The following RPL32 variants were observed in gnomAD, a reference collection of about 807,000 sequenced individuals.
RPL32 encodes large ribosomal subunit protein eL32.
For synonymous variants in RPL32, 61 were observed against 62.6 expected (o/e 0.98, Z 0.12); for missense variants, 117 against 173.7 (o/e 0.67, Z 1.83).
chr3:12,840,796 T>C lies in RPL32; in HGVS notation c.-5-554A>G, dbSNP rs150710156. On this transcript the variant is annotated intron_variant, in intron 1 of 3. Transcript: ENST00000429711. ...TCTGAAGATGCCTCAAACCTGGAGA[T>C]CTTCCAGTATCAACTCACACCTTCC... is the stretch of plus-strand genomic sequence containing the variant. 11 of 267,150 alleles carry C rather than the reference T, an allele frequency of 4.1e-5. No homozygotes were observed. The East Asian group carries it at 8.8e-4, about 21-fold the overall frequency. 16.5% of individuals were successfully genotyped at this position (267,150 alleles called of 1,614,324 possible).
intron 3 of RPL32, 38 bp downstream of exon 3, chr3:12,839,311 T>C: frequency 1.2e-6 from 2 of 1,600,786 alleles, no homozygotes; most frequent in Non-Finnish European, 1.7e-6. Flanking sequence ...AGATGCAAAC[T>C]TCTGATCACT....
chr3:12,838,796 G>GGTCCAGA (rs2062121755), intron 3 of RPL32, among the ~76,000 whole-genome samples: 1 of 152,060 alleles, frequency 6.6e-6, no homozygotes, highest in African/African-American at 2.4e-5. Context: ...CCAAAACCTC[G>GGTCCAGA]AAGTGCCGCC....
chr3:12,835,979 C>T lies in RPL32; in HGVS notation c.*115G>A, dbSNP rs1193098653. 5 of 1,302,242 alleles carry T rather than the reference C, an allele frequency of 3.8e-6. No individual in the cohort carries two copies. The African/African-American group carries it at 5.8e-5, about 15-fold the overall frequency. 80.7% of individuals were successfully genotyped at this position (1,302,242 alleles called of 1,614,324 possible). On this transcript the variant is annotated 3_prime_UTR_variant, in exon 4 of 4. Coordinates refer to ENST00000429711, the MANE Select transcript of RPL32 (RefSeq NM_000994.4). ...TTCCAAAGGGGCTTAAGCAAAAGAA[C>T]AATCTCTGTGGCAAACTAAGTTGGC...
chr3:12,838,033 T>G (rs1181626544), intron 3 of RPL32, among the ~76,000 whole-genome samples: 1 of 152,130 alleles, frequency 6.6e-6, no homozygotes, highest in Non-Finnish European at 1.5e-5. Flanking sequence ...ACCTTGAGTT[T>G]GGGGCTGCGG....
chr3:12,840,754 C>G (rs112963126), intron 1 of RPL32: 54 of 324,550 alleles, frequency 1.7e-4, no homozygotes, highest in African/African-American at 1.1e-3. Context: ...TCAACACACA[C>G]AAAACCACCA....
intron 1 of RPL32, 96 bp downstream of exon 1, chr3:12,841,398 A>C (rs955617680): frequency 6.6e-6 from 1 of 152,280 alleles, no homozygotes; most frequent in African/African-American, 2.4e-5. Context: ...CAATACCCAC[A>C]GACACTACCG....
At chr3:12,840,382 G>T in intron 1 of RPL32, 140 bp from the exon 2 acceptor site, 1 of 769,758 alleles carries the variant, frequency 1.3e-6, no homozygotes, top group South Asian at 1.4e-5. Context: ...CCTCTGCCAG[G>T]CTTGCTTTCC....
At chr3:12,841,337 A>G (rs1022831254) in intron 1 of RPL32, 157 bp downstream of exon 1, 1 of 152,256 alleles carries the variant, frequency 6.6e-6, no homozygotes, top group African/African-American at 2.4e-5. Flanking sequence ...AGCCCTATCA[A>G]CTCGGCGGCT....
At chr3:12,839,747 C>T (rs73813715) in intron 2 of RPL32, among the ~76,000 whole-genome samples, 24 of 152,266 alleles carry the variant, frequency 1.6e-4, no homozygotes, top group African/African-American at 5.3e-4. Flanking sequence ...ATTGCCACTC[C>T]CAAGCAATGG....
Position 12,839,393 on chromosome 3 carries a change from C to G in RPL32, c.234G>C (p.Leu78=), listed in dbSNP as rs756152571. Residue 78 remains leucine (L), a synonymous_variant, in exon 3 of 4, where the codon CTG becomes CTC. Transcript: ENST00000429711. ...HMLPSGFRKF[L]VHNVKELEVL... ...CTTCCAGCTCCTTGACGTTGTGGAC[C>G]AGGAACTTCCGGAAGCCACTGGGCA... The G allele has an allele frequency of 1.2e-5, 20 of 1,614,016 alleles. No individual in the cohort carries two copies. The East Asian group carries it at 4.2e-4, about 34-fold the overall frequency.
intron 1 of RPL32, chr3:12,840,628 T>C (rs2062144257): frequency 2.4e-6 from 1 of 421,288 alleles, no homozygotes. Context: ...CTGAGTCTTT[T>C]CCTCACCTGT....
At position 12,836,212 on chromosome 3, in the gene RPL32, G is replaced by A. The variant is rs559896096; in HGVS notation, c.290C>T (p.Ala97Val). The change falls in exon 4 of 4, where the codon GCC (alanine) becomes GTC (valine). Residue 97 changes from alanine (A) to valine (V), a missense_variant. Ala to Val is a moderately conservative substitution (Grantham distance 64). Coordinates refer to ENST00000429711, the MANE Select transcript of RPL32 (RefSeq NM_000994.4). ...VLLMCNKSYC[A>V]EIAHNVSSKN... ...GGAGGAAACATTGTGAGCGATCTCG[G>A]CACAGTAAGATCTGCAAGAGAATCA... The A allele has an allele frequency of 2.5e-6, 4 of 1,599,886 alleles. No individual in the cohort carries two copies. Among genetic ancestry groups the A allele is most frequent in the African/African-American group, 2.7e-5 (2 of 74,994 alleles).
chr3:12,839,330 G>T lies in RPL32; in HGVS notation c.278+19C>A. The T allele has an allele frequency of 6.2e-7, 1 of 1,612,662 alleles. No homozygotes were observed. The highest frequency in any genetic ancestry group is 1.1e-5 in the South Asian group (1 of 91,030). On this transcript the variant is annotated intron_variant, in intron 3 of 3. Coordinates refer to ENST00000429711, the MANE Select transcript of RPL32 (RefSeq NM_000994.4). ...GCAAACTTCTGATCACTGAAAACTAGAGGTGGGACCCAACTCACTTGTTGC... is the reference window on the plus strand; with the variant it reads ...GCAAACTTCTGATCACTGAAAACTATAGGTGGGACCCAACTCACTTGTTGC...
Position 12,835,845 on chromosome 3 carries a change from C to T in RPL32, c.*249G>A. On this transcript the variant is annotated 3_prime_UTR_variant, in exon 4 of 4. Transcript: ENST00000429711. ...TGGTGTGAGGGCCAAGTCTGTACCC[C>T]TCATACCCAGCCTCAACTGGAGATG... The T allele has an allele frequency of 2.0e-6, 1 of 496,582 alleles. No homozygotes were observed. The highest frequency in any genetic ancestry group is 3.6e-6 in the Non-Finnish European group (1 of 274,414). 30.8% of individuals were successfully genotyped at this position (496,582 alleles called of 1,614,324 possible).
chr3:12,840,757 A>C, intron 1 of RPL32: 1 of 317,126 alleles, frequency 3.2e-6, no homozygotes, highest in Non-Finnish European at 6.3e-6. Context: ...ACACACACAA[A>C]ACCACCATAT....
In RPL32 at chr3:12,835,802, A is replaced by C. The variant is rs115705058; in HGVS notation, c.*292T>G. The C allele has an allele frequency of 3.7e-5, 11 of 297,462 alleles. No homozygotes were observed. The highest frequency in any genetic ancestry group is 5.0e-5 in the Non-Finnish European group (8 of 159,132). The allele number at this position is 297,462 out of a possible 1,614,324, so 18.4% of individuals were successfully genotyped here. A position where few individuals can be genotyped will look rare whatever the true frequency, so the allele number is the denominator to read the frequency against. On this transcript the variant is annotated 3_prime_UTR_variant, in exon 4 of 4. Coordinates refer to ENST00000429711, the MANE Select transcript of RPL32 (RefSeq NM_000994.4). ...GGCTTGGGAGCCACAAGCTTCTTCAAGTGTCTCAGAACCTACCTGGTGTGA... is the reference window on the plus strand; with the variant it reads ...GGCTTGGGAGCCACAAGCTTCTTCACGTGTCTCAGAACCTACCTGGTGTGA...
chr3:12,839,491 G>A lies in RPL32; in HGVS notation c.136C>T (p.Arg46Cys), dbSNP rs1343221038. The part of the protein sequence containing the change: ...RKPRGIDNRV[R>C]RRFKGQILMP... ...AAGATCTGGCCCTTGAATCTTCTAC[G>A]AACCCTGTTGTCAATGCCTCTGGGT... The change falls in exon 3 of 4, where the codon CGT becomes TGT. Residue 46 changes from arginine (R) to cysteine (C), a missense_variant. Transcript: ENST00000429711. 3.1e-6 allele frequency: 5 copies of A among 1,614,110 alleles called. No homozygotes were observed. The highest frequency in any genetic ancestry group is 4.2e-6 in the Non-Finnish European group (5 of 1,180,036).
chr3:12,839,209 GAA>G, intron 3 of RPL32, 138 bp downstream of exon 3: 1 of 744,554 alleles, frequency 1.3e-6, no homozygotes, highest in Non-Finnish European at 2.3e-6. Context: ...ATCCTGCAAG[GAA>G]CAACTTCTGA....
At chr3:12,840,939 C>T (rs568940385) in intron 1 of RPL32, 16 of 158,730 alleles carry the variant, frequency 1.0e-4, no homozygotes, top group Admixed American at 2.9e-4. Context: ...ACGACTCTGC[C>T]TTCTGGCCCA....
Sources: gnomAD v4.1 joint callset for allele counts (sites outside exome capture counted in the v4.1 genomes callset) on GRCh38, gnomAD v4.1.1 for gene constraint, MANE v1.5 for transcripts, NCBI Gene and HGNC (gene_info 2026-07-23, HGNC 2026-07-21) for gene names.